GRID1: variants seen among roughly 807,000 people sequenced by gnomAD.
GRID1 encodes glutamate ionotropic receptor delta type subunit 1.
In GRID1, 28 loss-of-function variants were observed where a neutral mutation model predicts 98.0. That is an observed-to-expected ratio of 0.29 (90% CI 0.21 to 0.39). The LOEUF (loss-of-function observed/expected upper bound fraction) is 0.39, where lower values mean the gene tolerates loss of function less well. Among genes scored for constraint, GRID1 ranks in the 10% least tolerant of loss-of-function variants. The pLI is 1.00. For synonymous variants in GRID1, 553 were observed against 538.5 expected (o/e 1.03, Z -0.37); for missense variants, 1,111 against 1,340.5 (o/e 0.83, Z 2.67).
At chr10:86,120,606 C>T (rs1844651013) in intron 4 of GRID1, among the ~76,000 whole-genome samples, 1 of 152,160 alleles carries the variant, frequency 6.6e-6, no homozygotes, top group Admixed American at 6.5e-5. Flanking sequence ...TTTTAAATTA[C>T]AAATTCTGCT....
intron 2 of GRID1, among the ~76,000 whole-genome samples, chr10:86,312,337 G>A (rs903508181): frequency 2.0e-5 from 3 of 152,274 alleles, no homozygotes; most frequent in African/African-American, 4.8e-5. Context: ...TAAACACACC[G>A]TCCCTTTCTT....
At chr10:86,123,235 A>G (rs958136630) in intron 4 of GRID1, among the ~76,000 whole-genome samples, 9 of 152,212 alleles carry the variant, frequency 5.9e-5, no homozygotes, top group Non-Finnish European at 7.3e-5. Context: ...TCCTAAAGGC[A>G]AAGCTACAAT....
At chr10:86,044,132 G>A (rs996975645) in intron 4 of GRID1, among the ~76,000 whole-genome samples, 1 of 152,182 alleles carries the variant, frequency 6.6e-6, no homozygotes, top group Admixed American at 6.5e-5. Flanking sequence ...TTCAAGGTCA[G>A]GAAATGAACT....
At chr10:85,893,109 C>T (rs1000469748) in intron 5 of GRID1, among the ~76,000 whole-genome samples, 1 of 152,004 alleles carries the variant, frequency 6.6e-6, no homozygotes, top group Non-Finnish European at 1.5e-5. Context: ...TAGTTCTCCA[C>T]CCTAACAGAA....
intron 8 of GRID1, among the ~76,000 whole-genome samples, chr10:85,840,868 G>A (rs1184828120): frequency 6.6e-6 from 1 of 152,208 alleles, no homozygotes; most frequent in Non-Finnish European, 1.5e-5. Flanking sequence ...AAACATTCAT[G>A]CTCATGGATA....
intron 5 of GRID1, among the ~76,000 whole-genome samples, chr10:85,885,890 C>T (rs571012068): frequency 1.3e-4 from 20 of 152,328 alleles, no homozygotes; most frequent in Non-Finnish European, 2.4e-4. Flanking sequence ...TAGATGAGGA[C>T]ACACCCAGCT....
At chr10:86,318,483 G>A (rs1468587135) in intron 2 of GRID1, among the ~76,000 whole-genome samples, 2 of 152,234 alleles carry the variant, frequency 1.3e-5, no homozygotes, top group Non-Finnish European at 2.9e-5. Flanking sequence ...AGGCTGACAG[G>A]TTGGGAGTAA....
At chr10:85,896,919 AAGG>A (rs1470211569) in intron 5 of GRID1, among the ~76,000 whole-genome samples, 6 of 152,220 alleles carry the variant, frequency 3.9e-5, no homozygotes, top group Admixed American at 1.3e-4. Flanking sequence ...GTTTCCAACA[AAGG>A]AGAAGATTTG....
chr10:85,599,802 A>AAAAAAAAAAATATAT lies in GRID1; in HGVS notation c.*2470_*2471insATATATTTTTTTTTT. 1 of 65,000 alleles carries AAAAAAAAAAATATAT rather than the reference A, an allele frequency of 1.5e-5. No homozygotes were observed. Among genetic ancestry groups the AAAAAAAAAAATATAT allele is most frequent in the Non-Finnish European group, 2.6e-5 (1 of 38,794 alleles). The allele number at this position is 65,000 out of a possible 1,614,324, so 4.0% of individuals were successfully genotyped here. A position where few individuals can be genotyped will look rare whatever the true frequency, so the allele number is the denominator to read the frequency against. ...GTAGAAAATTCTAAAAAAAAAAAAAAATATATATATATATATATAAACATG... is the reference window on the plus strand; with the variant it reads ...GTAGAAAATTCTAAAAAAAAAAAAAAAAAAAAAAAATATATATATATATATATATATATAAACATG... On this transcript the variant is annotated 3_prime_UTR_variant, in exon 16 of 16. Coordinates refer to ENST00000327946, the MANE Select transcript of GRID1 (RefSeq NM_017551.3).
At chr10:86,139,045 A>G (rs1442633487) in intron 3 of GRID1, 21 bp from the exon 4 acceptor site, 3 of 1,576,208 alleles carry the variant, frequency 1.9e-6, no homozygotes, top group Non-Finnish European at 2.6e-6. Context: ...AGAGAAGAGG[A>G]GGAAAAGAAA....
intron 4 of GRID1, among the ~76,000 whole-genome samples, chr10:86,107,631 C>T (rs1844411065): frequency 6.6e-6 from 1 of 152,186 alleles, no homozygotes; most frequent in Admixed American, 6.5e-5. Flanking sequence ...CTCCCCTGGC[C>T]TGCCATGCCC....
intron 14 of GRID1, among the ~76,000 whole-genome samples, chr10:85,614,350 G>T (rs767206170): frequency 1.3e-5 from 2 of 152,234 alleles, no homozygotes; most frequent in Non-Finnish European, 2.9e-5. Context: ...GGGGAAGCTT[G>T]AAGGATGACT....
chr10:85,696,814 T>C (rs945484393), intron 12 of GRID1, among the ~76,000 whole-genome samples: 1 of 152,066 alleles, frequency 6.6e-6, no homozygotes, highest in African/African-American at 2.4e-5. Flanking sequence ...AGCACTATTT[T>C]AGCTGTATTA....
chr10:85,822,561 G>T (rs964835979), intron 8 of GRID1, among the ~76,000 whole-genome samples: 1 of 152,196 alleles, frequency 6.6e-6, no homozygotes, highest in Admixed American at 6.5e-5. Flanking sequence ...AGGATGTGGA[G>T]AAATAGGAAC....
intron 8 of GRID1, among the ~76,000 whole-genome samples, chr10:85,850,349 A>G (rs190712257): frequency 1.8e-4 from 28 of 152,290 alleles, no homozygotes; most frequent in Admixed American, 1.8e-3. Context: ...AAAGACAACC[A>G]TGTTTTTCTT....
At chr10:86,292,359 G>A (rs1169929979) in intron 2 of GRID1, among the ~76,000 whole-genome samples, 1 of 152,234 alleles carries the variant, frequency 6.6e-6, no homozygotes, top group Non-Finnish European at 1.5e-5. Context: ...AGATGCACAG[G>A]GTGACATTTC....
chr10:85,880,580 T>C (rs1240852167), intron 5 of GRID1, among the ~76,000 whole-genome samples: 3 of 151,854 alleles, frequency 2.0e-5, no homozygotes, highest in Non-Finnish European at 4.4e-5. Context: ...CAACCCTTCA[T>C]GCTAAAAACT....
At chr10:86,312,387 C>G (rs1847842995) in intron 2 of GRID1, among the ~76,000 whole-genome samples, 1 of 152,224 alleles carries the variant, frequency 6.6e-6, no homozygotes, top group Non-Finnish European at 1.5e-5. Context: ...CATCGCCTCC[C>G]AAGGAGCAAG....
intron 3 of GRID1, among the ~76,000 whole-genome samples, chr10:86,140,091 G>A (rs1317373354): frequency 6.6e-6 from 1 of 152,210 alleles, no homozygotes; most frequent in Non-Finnish European, 1.5e-5. Context: ...ATGAGCCAGT[G>A]AATGCCTTTG....
Sources: gnomAD v4.1 joint callset for allele counts (sites outside exome capture counted in the v4.1 genomes callset) on GRCh38, gnomAD v4.1.1 for gene constraint, MANE v1.5 for transcripts, NCBI Gene and HGNC (gene_info 2026-07-23, HGNC 2026-07-21) for gene names.